Variants in PANX1 observed in about 807,000 individuals in gnomAD.
The protein encoded by PANX1 is pannexin-1.
In PANX1, 30 loss-of-function variants were observed where a neutral mutation model predicts 38.7. That is an observed-to-expected ratio of 0.78 (90% CI 0.58 to 1.05). The LOEUF is 1.05. PANX1 is among the 50% of genes least tolerant of loss of function. PANX1 has a pLI of 0.00. For missense variants in PANX1, 551 were observed against 517.2 expected, an observed-to-expected ratio of 1.07 and a Z score of -0.63; for synonymous variants, 230 against 212.2, an observed-to-expected ratio of 1.08 and a Z score of -0.73.
At chr11:94,179,540 G>T in intron 3 of PANX1, 62 bp from the exon 4 acceptor site, 1 of 1,221,878 alleles carries the variant, frequency 8.2e-7, no homozygotes, top group Admixed American at 2.0e-5. Context: ...ATGTGTATCT[G>T]CCTTTAATAT....
At position 94,178,636 on chromosome 11, in the gene PANX1, A is replaced by G. The variant is rs780443742; in HGVS notation, c.545+44A>G. 7.5e-6 allele frequency: 11 copies of G among 1,467,942 alleles called. No individual in the cohort carries two copies. The Admixed American group carries it at 1.5e-4, about 20-fold the overall frequency. 90.9% of individuals were successfully genotyped at this position (1,467,942 alleles called of 1,614,324 possible). A position where few individuals can be genotyped will look rare whatever the true frequency, so the allele number is the denominator to read the frequency against. On this transcript the variant is annotated intron_variant, in intron 3 of 4. Coordinates refer to ENST00000227638, the MANE Select transcript of PANX1 (RefSeq NM_015368.4). ...GCAGCTCATCGGGTTTTGTAGGACA[A>G]ATTCTCTGCCCTTCTACTGCCAGTC...
intron 2 of PANX1, among the ~76,000 whole-genome samples, chr11:94,171,785 C>T (rs1294343691): frequency 6.6e-6 from 1 of 151,050 alleles, no homozygotes; most frequent in Non-Finnish European, 1.5e-5. Context: ...TTCTCTCCCA[C>T]TCCATGCACT....
chr11:94,130,676 G>A (rs1051195692), intron 1 of PANX1, among the ~76,000 whole-genome samples: 1 of 152,196 alleles, frequency 6.6e-6, no homozygotes, highest in Non-Finnish European at 1.5e-5. Flanking sequence ...AAGAAAATGG[G>A]TGGGTGATTG....
rs377258212 is a variant in PANX1, at chr11:94,139,322, C to T, written c.181+9829C>T. On this transcript the variant is annotated intron_variant, in intron 1 of 4. Coordinates refer to ENST00000227638, the MANE Select transcript of PANX1 (RefSeq NM_015368.4). ...ACTTGCTTGGCACCAATTGTCACATCGCCTTAGCAGATTAATTTCTCATAA... is the reference window on the plus strand; with the variant it reads ...ACTTGCTTGGCACCAATTGTCACATTGCCTTAGCAGATTAATTTCTCATAA... Among the ~76,000 whole-genome samples, 89 of 152,284 alleles carry T rather than the reference C, an allele frequency of 5.8e-4. 2 individuals carry two copies. The highest frequency in any genetic ancestry group is 2.0e-3 in the African/African-American group (84 of 41,542).
intron 1 of PANX1, among the ~76,000 whole-genome samples, chr11:94,152,950 C>G (rs988921262): frequency 6.6e-6 from 1 of 152,124 alleles, no homozygotes; most frequent in Admixed American, 6.6e-5. Flanking sequence ...CAGTTTCAGC[C>G]TGTTTCTTCT....
intron 1 of PANX1, among the ~76,000 whole-genome samples, chr11:94,147,598 G>A (rs1010900416): frequency 6.6e-6 from 1 of 152,084 alleles, no homozygotes; most frequent in Non-Finnish European, 1.5e-5. Context: ...CCTCCTTCTC[G>A]TTTCTGTTGC....
intron 2 of PANX1, among the ~76,000 whole-genome samples, chr11:94,177,846 A>C (rs556677196): frequency 5.9e-5 from 9 of 152,028 alleles, no homozygotes; most frequent in African/African-American, 2.2e-4. Flanking sequence ...TGCTTATTTC[A>C]GCTGTCTTAT....
intron 2 of PANX1, among the ~76,000 whole-genome samples, chr11:94,156,576 G>C (rs369240579): frequency 6.6e-6 from 1 of 151,428 alleles, no homozygotes; most frequent in East Asian, 1.9e-4. Flanking sequence ...TTAAATCATT[G>C]CAATAGCAGT....
intron 1 of PANX1, among the ~76,000 whole-genome samples, chr11:94,139,644 C>T (rs771285526): frequency 7.9e-5 from 12 of 152,182 alleles, no homozygotes; most frequent in Non-Finnish European, 1.0e-4. Context: ...CCTGACCTCA[C>T]GGGAGGGGAG....
At chr11:94,171,628 A>T (rs896152428) in intron 2 of PANX1, among the ~76,000 whole-genome samples, 1 of 151,602 alleles carries the variant, frequency 6.6e-6, no homozygotes, top group Non-Finnish European at 1.5e-5. Context: ...TCTCAATTTA[A>T]TTCTGATGCT....
chr11:94,179,774 C>G lies in PANX1; in HGVS notation c.718C>G (p.Leu240Val). 6.2e-7 allele frequency: 1 copy of G among 1,614,152 alleles called. No homozygotes were observed. Among genetic ancestry groups the G allele is most frequent in the Non-Finnish European group, 8.5e-7 (1 of 1,180,014 alleles). The stretch of plus-strand genomic sequence containing the variant: ...GGGCTATTACTTCAGCCTCTCCTCA[C>G]TCTCAGACGAGTTTGTGTGCAGCAT... The part of the protein sequence containing the change: ...YLGYYFSLSS[L>V]SDEFVCSIKS... Residue 240 changes from leucine (L) to valine (V), a missense_variant, in exon 4 of 5, where the codon CTC (leucine) becomes GTC (valine). Leu to Val is a conservative substitution (Grantham distance 32). Transcript: ENST00000227638.
chr11:94,133,996 T>C (rs1946659628), intron 1 of PANX1, among the ~76,000 whole-genome samples: 1 of 151,562 alleles, frequency 6.6e-6, no homozygotes, highest in Non-Finnish European at 1.5e-5. Context: ...GGGTCAGGCC[T>C]GTCCTGGCCA....
chr11:94,139,393 T>G (rs563135109), intron 1 of PANX1, among the ~76,000 whole-genome samples: 1 of 152,354 alleles, frequency 6.6e-6, no homozygotes, highest in South Asian at 2.1e-4. Context: ...AAGAGCATCA[T>G]TATCAGCAGG....
At position 94,129,061 on chromosome 11, in the gene PANX1, G is replaced by A. The variant is rs1475941173; in HGVS notation, c.-252G>A. On this transcript the variant is annotated 5_prime_UTR_variant, in exon 1 of 5. The change creates a premature stop within an existing upstream ORF in the 5' untranslated region. Transcript: ENST00000227638. ...GGGACTTGCACGGGCGTGCGGGGTG[G>A]AACCGCAGGAAGCGGAGCTCTCGGG... The A allele has an allele frequency of 5.2e-6, 2 of 388,234 alleles. No individual in the cohort carries two copies. Among genetic ancestry groups the A allele is most frequent in the Non-Finnish European group, 9.2e-6 (2 of 217,654 alleles). The allele number at this position is 388,234 out of a possible 1,614,324, so 24.0% of individuals were successfully genotyped here.
Position 94,129,106 on chromosome 11 carries a change from C to A in PANX1, c.-207C>A. 2.4e-6 allele frequency: 1 copy of A among 410,548 alleles called. No individual in the cohort carries two copies. Among genetic ancestry groups the A allele is most frequent in the Non-Finnish European group, 4.3e-6 (1 of 233,658 alleles). The allele number at this position is 410,548 out of a possible 1,614,324, so 25.4% of individuals were successfully genotyped here. ...CTCGGGTTCCCGCCCCGCCCCGCCC[C>A]GCCGGCGGCGGAGGCAGCGAGCGCG... On this transcript the variant is annotated 5_prime_UTR_variant, in exon 1 of 5. Coordinates refer to ENST00000227638, the MANE Select transcript of PANX1 (RefSeq NM_015368.4).
chr11:94,161,475 C>T (rs545382074), intron 2 of PANX1, among the ~76,000 whole-genome samples: 1 of 152,192 alleles, frequency 6.6e-6, no homozygotes, highest in Non-Finnish European at 1.5e-5. Context: ...TTCATTTGAT[C>T]TTCCATCACT....
intron 2 of PANX1, among the ~76,000 whole-genome samples, chr11:94,160,726 T>G (rs934329187): frequency 6.6e-6 from 1 of 152,216 alleles, no homozygotes; most frequent in African/African-American, 2.4e-5. Flanking sequence ...CCCATTTACA[T>G]TTAAAATTAA....
At chr11:94,176,676 A>G (rs1028020624) in intron 2 of PANX1, among the ~76,000 whole-genome samples, 5 of 151,702 alleles carry the variant, frequency 3.3e-5, no homozygotes, top group East Asian at 1.9e-4. Context: ...ACTTACGGCC[A>G]TCATGGCCTC....
chr11:94,129,746 T>G (rs1393126699), intron 1 of PANX1, among the ~76,000 whole-genome samples: 1 of 152,174 alleles, frequency 6.6e-6, no homozygotes, highest in Non-Finnish European at 1.5e-5. Context: ...GGACTGTGGC[T>G]TATAGTTTAT....
Sources: gnomAD v4.1 joint callset for allele counts (sites outside exome capture counted in the v4.1 genomes callset) on GRCh38, gnomAD v4.1.1 for gene constraint, MANE v1.5 for transcripts, NCBI Gene and HGNC (gene_info 2026-07-23, HGNC 2026-07-21) for gene names.